Variants in ZSCAN5A observed in about 807,000 individuals in gnomAD.
ZSCAN5A encodes the protein zinc finger and SCAN domain-containing protein 5A.
In ZSCAN5A, 12 loss-of-function variants were observed where a neutral mutation model predicts 23.7. The ratio of observed to expected loss-of-function variants is 0.51; its 90% CI spans 0.32 to 0.82. The LOEUF (loss-of-function observed/expected upper bound fraction) is 0.82. ZSCAN5A is among the 40% of genes least tolerant of loss of function. The probability of loss-of-function intolerance (pLI) is 0.03; values close to 1 mark genes in which losing one functional copy is unlikely to be tolerated. For synonymous variants in ZSCAN5A, 257 were observed against 239.9 expected (o/e 1.07, Z -0.66); for missense variants, 597 against 617.9 (o/e 0.97, Z 0.36).
intron 2 of ZSCAN5A, among the ~76,000 whole-genome samples, chr19:56,255,046 A>G (rs2036603225): frequency 6.6e-6 from 1 of 151,684 alleles, no homozygotes; most frequent in Non-Finnish European, 1.5e-5. Context: ...TAAAATATAT[A>G]TTTTAAAATA....
At chr19:56,287,147 T>G (rs1443391772) in intron 2 of ZSCAN5A, among the ~76,000 whole-genome samples, 1 of 152,230 alleles carries the variant, frequency 6.6e-6, no homozygotes, top group Non-Finnish European at 1.5e-5. Context: ...CCGAGTTTTG[T>G]CCATCTTAGG....
At chr19:56,350,933 C>T (rs2041663752) in intron 2 of ZSCAN5A, among the ~76,000 whole-genome samples, 1 of 151,840 alleles carries the variant, frequency 6.6e-6, no homozygotes, top group East Asian at 1.9e-4. Context: ...GAGCCACACA[C>T]AGACATGCCA....
chr19:56,236,818 G>C (rs1367896957), intron 2 of ZSCAN5A, among the ~76,000 whole-genome samples: 1 of 149,050 alleles, frequency 6.7e-6, no homozygotes, highest in Non-Finnish European at 1.5e-5. Context: ...ATGGACGGTG[G>C]GCCAAGCCTC....
chr19:56,291,831 T>G (rs1470293263), intron 2 of ZSCAN5A, among the ~76,000 whole-genome samples: 1 of 152,128 alleles, frequency 6.6e-6, no homozygotes, highest in East Asian at 1.9e-4. Context: ...CAATCCCTCC[T>G]CGAATCAGGC....
chr19:56,266,126 T>C (rs986147983), intron 2 of ZSCAN5A: 8 of 152,218 alleles, frequency 5.3e-5, no homozygotes, highest in African/African-American at 1.9e-4. Context: ...ATTATAATAC[T>C]ACCCAGCTCT....
chr19:56,353,676 G>A (rs1369561686), intron 2 of ZSCAN5A, among the ~76,000 whole-genome samples: 1 of 152,064 alleles, frequency 6.6e-6, no homozygotes, highest in African/African-American at 2.4e-5. Context: ...CAGCTACTCG[G>A]AAGGCTGAGG....
intron 2 of ZSCAN5A, among the ~76,000 whole-genome samples, chr19:56,333,926 CA>C (rs1488565593): frequency 6.6e-6 from 1 of 152,012 alleles, no homozygotes; most frequent in Non-Finnish European, 1.5e-5. Context: ...CCAACATCTC[CA>C]GATGAGAAGA....
At chr19:56,230,278 G>A (rs2034342255) in intron 2 of ZSCAN5A, among the ~76,000 whole-genome samples, 1 of 152,028 alleles carries the variant, frequency 6.6e-6, no homozygotes, top group South Asian at 2.1e-4. Context: ...TAGAAATGGG[G>A]TTTTACCATC....
At chr19:56,314,536 C>T (rs752809911) in intron 1 of ZSCAN5A, 145 bp downstream of exon 1, 5 of 152,334 alleles carry the variant, frequency 3.3e-5, no homozygotes, top group Non-Finnish European at 7.3e-5. Context: ...CCAGTCCCAT[C>T]CCCGGGCTCG....
chr19:56,315,074 G>A (rs2041276106), upstream of ZSCAN5A: 1 of 152,128 alleles, frequency 6.6e-6, no homozygotes. Context: ...TTACTAAAAC[G>A]TGCTCTTGTC....
rs189642779 is a variant in ZSCAN5A, at chr19:56,320,544, G to A, written c.-357-4276C>T. 2.5e-3 allele frequency: 1,106 copies of A among 451,388 alleles called. 10 individuals are homozygous for A. The Middle Eastern group carries it at 0.027, about 11-fold the overall frequency. 28.0% of individuals were successfully genotyped at this position (451,388 alleles called of 1,614,324 possible). ...GGAGAATCGCTTGAACCCAGGAGGC[G>A]GTGATTGCAGTGAGCCGAGATCATA... On this transcript the variant is annotated intron_variant, in intron 2 of 6. Coordinates refer to the ZSCAN5A transcript ENST00000587340.
chr19:56,329,828 T>C (rs907165239), intron 2 of ZSCAN5A, among the ~76,000 whole-genome samples: 2 of 152,192 alleles, frequency 1.3e-5, no homozygotes, highest in Non-Finnish European at 2.9e-5. Context: ...TTTTAAAAAA[T>C]TTTTATTTCA....
chr19:56,324,748 G>A (rs2041417223), intron 2 of ZSCAN5A, among the ~76,000 whole-genome samples: 1 of 151,972 alleles, frequency 6.6e-6, no homozygotes, highest in Non-Finnish European at 1.5e-5. Context: ...TAAATATTAA[G>A]TTTGAATTCA....
intron 2 of ZSCAN5A, among the ~76,000 whole-genome samples, chr19:56,264,497 T>C (rs962804582): frequency 2.6e-5 from 4 of 152,224 alleles, no homozygotes; most frequent in Non-Finnish European, 4.4e-5. Context: ...TGACATCAGA[T>C]CTGAATCCTG....
intron 2 of ZSCAN5A, among the ~76,000 whole-genome samples, chr19:56,255,067 T>A (rs2036605316): frequency 6.6e-6 from 1 of 152,108 alleles, no homozygotes; most frequent in South Asian, 2.1e-4. Context: ...TATATTTTCT[T>A]ATTACAATTT....
intron 2 of ZSCAN5A, among the ~76,000 whole-genome samples, chr19:56,270,141 C>T (rs539304084): frequency 9.6e-4 from 94 of 98,090 alleles, no homozygotes; most frequent in African/African-American, 2.5e-3. Flanking sequence ...ACAAACATCA[C>T]GCTGGGTGAA....
intron 2 of ZSCAN5A, among the ~76,000 whole-genome samples, chr19:56,248,780 C>T (rs2036135231): frequency 6.6e-6 from 1 of 151,962 alleles, no homozygotes; most frequent in Non-Finnish European, 1.5e-5. Flanking sequence ...ATTCAGTGGA[C>T]AGCACAGAGT....
chr19:56,287,138 C>T (rs543033567), intron 2 of ZSCAN5A, among the ~76,000 whole-genome samples: 5 of 152,304 alleles, frequency 3.3e-5, no homozygotes, highest in Non-Finnish European at 7.3e-5. Flanking sequence ...TGACAGTTTC[C>T]GAGTTTTGTC....
At chr19:56,229,336 G>C (rs1445978598) in intron 2 of ZSCAN5A, among the ~76,000 whole-genome samples, 1 of 152,178 alleles carries the variant, frequency 6.6e-6, no homozygotes, top group Non-Finnish European at 1.5e-5. Context: ...CTTCTTGGGA[G>C]TAGAACTTTC....
Sources: allele counts gnomAD v4.1 joint callset (sites outside exome capture counted in the v4.1 genomes callset), GRCh38; gene constraint gnomAD v4.1.1; transcripts MANE v1.5; gene names NCBI Gene and HGNC (gene_info 2026-07-23, HGNC 2026-07-21).